The following PMFBP1 variants were observed in gnomAD, a reference collection of about 807,000 sequenced individuals.
The protein encoded by PMFBP1 is polyamine-modulated factor 1-binding protein 1.
Under a neutral mutation model 137.8 loss-of-function variants are expected in PMFBP1, and 131 were observed. The ratio of observed to expected loss-of-function variants is 0.95; its 90% confidence interval spans 0.82 to 1.10. The LOEUF is 1.10. PMFBP1 is among the 50% of genes least tolerant of loss of function. The pLI, the probability that PMFBP1 is intolerant of heterozygous loss-of-function variation, is 0.00. For synonymous variants in PMFBP1, 490 were observed against 450.4 expected, an observed-to-expected ratio of 1.09 and a Z score of -1.11; for missense variants, 1,199 against 1,175.4, an observed-to-expected ratio of 1.02 and a Z score of -0.29.
the PMFBP1 span, among the ~76,000 whole-genome samples, chr16:72,211,514 T>G: frequency 5.9e-5 from 9 of 152,136 alleles, no homozygotes; most frequent in Admixed American, 5.9e-4. Flanking sequence ...CAGGCAAGGA[T>G]TTTTGAGGAA....
intron 9 of PMFBP1, among the ~76,000 whole-genome samples, chr16:72,133,576 C>A (rs1026112752): frequency 2.0e-5 from 3 of 151,944 alleles, no homozygotes; most frequent in East Asian, 3.9e-4. Flanking sequence ...GCAGCTATAA[C>A]CTCCTAGGCT....
the PMFBP1 span, among the ~76,000 whole-genome samples, chr16:72,239,901 GAA>G: frequency 6.1e-4 from 54 of 87,812 alleles, no homozygotes; most frequent in African/African-American, 2.7e-3. Context: ...AAAAAAAAAA[GAA>G]AAAAAAAAAA....
chr16:72,159,470 T>C (rs1349387150), intron 3 of PMFBP1, among the ~76,000 whole-genome samples: 1 of 152,210 alleles, frequency 6.6e-6, no homozygotes, highest in Non-Finnish European at 1.5e-5. Context: ...ACTCTTCCAG[T>C]ACAGGACAAA....
chr16:72,156,468 A>G (rs1460663556), intron 3 of PMFBP1, among the ~76,000 whole-genome samples: 1 of 151,946 alleles, frequency 6.6e-6, no homozygotes, highest in African/African-American at 2.4e-5. Flanking sequence ...AATACAAAAA[A>G]AATTAGCCAG....
chr16:72,198,550 G>A, the PMFBP1 span, among the ~76,000 whole-genome samples: 2 of 152,084 alleles, frequency 1.3e-5, no homozygotes, highest in Non-Finnish European at 2.9e-5. Context: ...ATGGCTGCAC[G>A]GTTTCTCTGG....
At chr16:72,151,381 A>G (rs1446204394) in intron 4 of PMFBP1, among the ~76,000 whole-genome samples, 1 of 152,226 alleles carries the variant, frequency 6.6e-6, no homozygotes, top group Non-Finnish European at 1.5e-5. Context: ...TTGAAAGCTC[A>G]CGAGCATTGT....
chr16:72,182,742 T>C, the PMFBP1 span, among the ~76,000 whole-genome samples: 7 of 152,148 alleles, frequency 4.6e-5, no homozygotes, highest in African/African-American at 1.7e-4. Context: ...TCTCCAGTAG[T>C]TCTTCTTATT....
intron 2 of PMFBP1, among the ~76,000 whole-genome samples, chr16:72,165,167 AC>A (rs2043126636): frequency 6.6e-6 from 1 of 152,166 alleles, no homozygotes; most frequent in Non-Finnish European, 1.5e-5. Context: ...TGCACAACAG[AC>A]AATTCCCCTG....
chr16:72,128,887 T>A, intron 13 of PMFBP1, 93 bp from the exon 14 acceptor site: 1 of 1,555,164 alleles, frequency 6.4e-7, no homozygotes, highest in Non-Finnish European at 8.7e-7. Context: ...CACCCAGCTC[T>A]ATCTCCACCC....
chr16:72,185,717 T>G, the PMFBP1 span, among the ~76,000 whole-genome samples: 3 of 152,138 alleles, frequency 2.0e-5, no homozygotes, highest in Admixed American at 2.0e-4. Context: ...TTATCTGAAG[T>G]GAGTAGAGAA....
the PMFBP1 span, among the ~76,000 whole-genome samples, chr16:72,195,491 C>T: frequency 7.2e-5 from 11 of 152,174 alleles, no homozygotes; most frequent in Non-Finnish European, 1.0e-4. Flanking sequence ...CCCGCTTTAA[C>T]CTTGCTAACC....
intron 15 of PMFBP1, 146 bp from the exon 16 acceptor site, chr16:72,125,551 G>T: frequency 1.1e-6 from 1 of 936,246 alleles, no homozygotes; most frequent in Non-Finnish European, 1.6e-6. Flanking sequence ...CCAGAGAGGG[G>T]TGGGAAATGA....
chr16:72,124,874 G>C lies in PMFBP1; in HGVS notation c.2482C>G (p.Gln828Glu). ...AGCATCTTGAGGTCATTCTGGTGTT[G>C]CTTCTGCCACTGCAGCACCTGGCAG... Reference protein sequence around the residue: ...MSCQVLQWQKQHQNDLKMLAA... With the variant: ...MSCQVLQWQKEHQNDLKMLAA... The change falls in exon 17 of 21, where the codon CAA (glutamine) becomes GAA (glutamate). Residue 828 changes from glutamine to glutamate, a missense_variant. Coordinates refer to ENST00000237353, the MANE Select transcript of PMFBP1 (RefSeq NM_031293.3). 1 of 1,614,188 alleles carries C rather than the reference G, an allele frequency of 6.2e-7. No homozygotes were observed. Among genetic ancestry groups the C allele is most frequent in the Non-Finnish European group, 8.5e-7 (1 of 1,180,038 alleles).
At chr16:72,220,918 G>C in the PMFBP1 span, among the ~76,000 whole-genome samples, 1 of 152,106 alleles carries the variant, frequency 6.6e-6, no homozygotes, top group Admixed American at 6.6e-5. Context: ...GTACCCCCTG[G>C]ACATCTTCAC....
the PMFBP1 span, among the ~76,000 whole-genome samples, chr16:72,239,427 G>A: frequency 1.4e-4 from 21 of 152,128 alleles, no homozygotes; most frequent in Admixed American, 6.5e-5. Flanking sequence ...AATTCTCTGC[G>A]ATGCTAAATA....
At chr16:72,196,213 C>T in the PMFBP1 span, among the ~76,000 whole-genome samples, 44,337 of 151,954 alleles carry the variant, frequency 0.29, 7,808 homozygotes, top group African/African-American at 0.5. Flanking sequence ...CTCCCAGATA[C>T]GGGAGAAAGA....
chr16:72,162,339 G>A (rs906754582), intron 3 of PMFBP1, among the ~76,000 whole-genome samples: 3 of 152,300 alleles, frequency 2.0e-5, no homozygotes, highest in East Asian at 1.9e-4. Context: ...GGAGCATAAC[G>A]TAGTTTTGAT....
intron 9 of PMFBP1, among the ~76,000 whole-genome samples, chr16:72,133,677 C>T (rs1184203152): frequency 2.0e-5 from 3 of 152,074 alleles, no homozygotes. Flanking sequence ...CCACATACAC[C>T]AGGGTTGTCG....
At chr16:72,209,450 T>C in the PMFBP1 span, among the ~76,000 whole-genome samples, 67 of 152,146 alleles carry the variant, frequency 4.4e-4, 3 homozygotes, top group South Asian at 0.013. Context: ...ATATATCATT[T>C]TGTATATAGA....
Sources: gnomAD v4.1 joint callset for allele counts (sites outside exome capture counted in the v4.1 genomes callset) on GRCh38, gnomAD v4.1.1 for gene constraint, MANE v1.5 for transcripts, NCBI Gene and HGNC (gene_info 2026-07-23, HGNC 2026-07-21) for gene names.